The following CFAP58 variants were observed in gnomAD, a reference collection of about 807,000 sequenced individuals.
The protein encoded by CFAP58 is cilia- and flagella-associated protein 58.
CFAP58 carries 88 observed loss-of-function variants against 119.5 expected under a neutral mutation model. That is an observed-to-expected ratio of 0.74 (90% CI 0.62 to 0.88). The LOEUF (loss-of-function observed/expected upper bound fraction) is 0.88. CFAP58 is among the 40% of genes least tolerant of loss of function. CFAP58 has a pLI of 0.00. For synonymous variants in CFAP58, 365 were observed against 366.3 expected (o/e 1.00, Z 0.04); for missense variants, 990 against 1,021.2 (o/e 0.97, Z 0.42).
chr10:104,342,045 G>T, the CFAP58 span, among the ~76,000 whole-genome samples: 1 of 152,188 alleles, frequency 6.6e-6, no homozygotes, highest in African/African-American at 2.4e-5. Flanking sequence ...ACTATAAAAG[G>T]CTTAAACAAA....
intron 15 of CFAP58, among the ~76,000 whole-genome samples, chr10:104,447,093 G>A (rs1013270187): frequency 6.6e-6 from 1 of 151,476 alleles, no homozygotes; most frequent in African/African-American, 2.4e-5. Flanking sequence ...GGGCTCAAAT[G>A]ATCTTCTCAC....
At chr10:104,374,453 G>GAAAAAA (rs71022730) in intron 7 of CFAP58, among the ~76,000 whole-genome samples, 2 of 30,718 alleles carry the variant, frequency 6.5e-5, no homozygotes, top group East Asian at 9.7e-4. Flanking sequence ...CTTGTTTCAG[G>GAAAAAA]AAAAAAAAAA....
intron 15 of CFAP58, among the ~76,000 whole-genome samples, chr10:104,444,539 G>A (rs144243783): frequency 0.012 from 1,768 of 152,244 alleles, 35 homozygotes; most frequent in African/African-American, 0.04. Context: ...AGAGGATTAC[G>A]AGAGAAATAA....
intron 15 of CFAP58, among the ~76,000 whole-genome samples, chr10:104,409,859 AT>A (rs1411350661): frequency 9.5e-6 from 1 of 104,874 alleles, no homozygotes; most frequent in Non-Finnish European, 1.9e-5. Flanking sequence ...TTAAAAAAAA[AT>A]CTTATCTTTG....
At chr10:104,378,957 C>T (rs2011725466) in intron 8 of CFAP58, among the ~76,000 whole-genome samples, 1 of 151,786 alleles carries the variant, frequency 6.6e-6, no homozygotes, top group South Asian at 2.1e-4. Flanking sequence ...ATCCCAGACC[C>T]ACTGAATCAG....
chr10:104,416,833 T>G (rs745341150), intron 15 of CFAP58, among the ~76,000 whole-genome samples: 1 of 152,222 alleles, frequency 6.6e-6, no homozygotes, highest in Non-Finnish European at 1.5e-5. Flanking sequence ...GCATTGAGTC[T>G]TATCTTAGAA....
At chr10:104,442,327 T>G (rs2013050856) in intron 15 of CFAP58, among the ~76,000 whole-genome samples, 1 of 152,110 alleles carries the variant, frequency 6.6e-6, no homozygotes, top group Non-Finnish European at 1.5e-5. Flanking sequence ...CAGTGGCTCA[T>G]GCCTGTAATC....
intron 12 of CFAP58, among the ~76,000 whole-genome samples, chr10:104,400,467 T>G (rs2012241037): frequency 6.6e-6 from 1 of 152,120 alleles, no homozygotes; most frequent in Non-Finnish European, 1.5e-5. Context: ...ATTATTAATA[T>G]TATTAAGGAT....
At chr10:104,354,454 C>T (rs894230995) in intron 1 of CFAP58, among the ~76,000 whole-genome samples, 2 of 152,074 alleles carry the variant, frequency 1.3e-5, no homozygotes, top group African/African-American at 4.8e-5. Context: ...TCGTATCACC[C>T]CACCACTCCC....
chr10:104,357,921 GTACACATATACA>G (rs2014592023), intron 1 of CFAP58, among the ~76,000 whole-genome samples: 1 of 105,492 alleles, frequency 9.5e-6, no homozygotes, highest in African/African-American at 5.2e-5. Context: ...ACACATATAT[GTACACATATACA>G]CACATATATG....
chr10:104,354,842 T>C (rs2014520637), intron 1 of CFAP58, among the ~76,000 whole-genome samples: 1 of 152,134 alleles, frequency 6.6e-6, no homozygotes, highest in South Asian at 2.1e-4. Flanking sequence ...CTGACCAGTT[T>C]TCACTCCCAT....
At position 104,450,189 on chromosome 10, in the gene CFAP58, A is replaced by C. The variant is rs1564908565; in HGVS notation, c.2495A>C (p.Lys832Thr). 1.2e-6 allele frequency: 2 copies of C among 1,612,924 alleles called. No individual in the cohort carries two copies. Among genetic ancestry groups the C allele is most frequent in the South Asian group, 2.2e-5 (2 of 90,550 alleles). Reference sequence around the variant, plus strand: ...AAGAAATACCTCGCTCAGAAACGTAAAGAACAACTTCAAAAGTAAGAATTA... The same window carrying C: ...AAGAAATACCTCGCTCAGAAACGTACAGAACAACTTCAAAAGTAAGAATTA... ...LKKKYLAQKRKEQLQKNKDTA... is the reference protein window; with the variant it reads ...LKKKYLAQKRTEQLQKNKDTA... Residue 832 changes from lysine (K) to threonine (T), a missense_variant, in exon 17 of 18, where the codon AAA becomes ACA. By Grantham distance (78) the Lys-to-Thr change is moderately conservative. Transcript: ENST00000369704.
chr10:104,423,195 T>G (rs2012688631), intron 15 of CFAP58, among the ~76,000 whole-genome samples: 1 of 152,216 alleles, frequency 6.6e-6, no homozygotes, highest in African/African-American at 2.4e-5. Flanking sequence ...CATAACTGAG[T>G]ACATTTCCTT....
chr10:104,413,981 G>C (rs2012503848), intron 15 of CFAP58, among the ~76,000 whole-genome samples: 1 of 152,138 alleles, frequency 6.6e-6, no homozygotes. Flanking sequence ...CTCATGGCCA[G>C]GCATGTAACA....
intron 15 of CFAP58, among the ~76,000 whole-genome samples, chr10:104,427,734 C>A (rs866978961): frequency 6.6e-6 from 1 of 152,176 alleles, no homozygotes; most frequent in Admixed American, 6.5e-5. Context: ...AAATTCTGTT[C>A]AGCTAGAACA....
intron 15 of CFAP58, among the ~76,000 whole-genome samples, chr10:104,429,094 G>A (rs546144314): frequency 2.8e-3 from 421 of 152,312 alleles, no homozygotes; most frequent in Non-Finnish European, 5.0e-3. Context: ...CAGCAGCACC[G>A]TGTGGCCAGG....
chr10:104,421,817 A>G (rs1419259858), intron 15 of CFAP58, among the ~76,000 whole-genome samples: 1 of 152,238 alleles, frequency 6.6e-6, no homozygotes, highest in Non-Finnish European at 1.5e-5. Context: ...AAACAAGATC[A>G]TCTTTATCAA....
chr10:104,389,562 A>G (rs780294682), intron 9 of CFAP58, among the ~76,000 whole-genome samples: 38 of 152,200 alleles, frequency 2.5e-4, no homozygotes, highest in Non-Finnish European at 4.9e-4. Flanking sequence ...TTAACCTTTC[A>G]GTCTTAGATT....
chr10:104,425,575 T>G lies in CFAP58; in HGVS notation c.2256+18782T>G, dbSNP rs559520934. ...CTTTATGTTATGTATGTTATCCTCA[T>G]AAGAATTTTTAAGTATTAGACCAGT... On this transcript the variant is annotated intron_variant, in intron 15 of 17. Coordinates refer to ENST00000369704, the MANE Select transcript of CFAP58 (RefSeq NM_001008723.2). 1.9e-4 allele frequency among the ~76,000 whole-genome samples: 29 copies of G among 152,328 alleles called. No homozygotes were observed. The South Asian group carries it at 5.4e-3, about 28-fold the overall frequency.
Sources: gnomAD v4.1 joint callset for allele counts (sites outside exome capture counted in the v4.1 genomes callset) on GRCh38, gnomAD v4.1.1 for gene constraint, MANE v1.5 for transcripts, NCBI Gene and HGNC (gene_info 2026-07-23, HGNC 2026-07-21) for gene names.